MYO16: variants seen among roughly 807,000 people sequenced by gnomAD.
MYO16 encodes unconventional myosin-XVI.
MYO16 carries 94 observed loss-of-function variants against 205.3 expected under a neutral mutation model. The ratio of observed to expected loss-of-function variants is 0.46; its 90% CI spans 0.39 to 0.54. The LOEUF (loss-of-function observed/expected upper bound fraction) is 0.54, where lower values mean the gene tolerates loss of function less well. Among genes scored for constraint, MYO16 ranks in the 20% least tolerant of loss-of-function variants. MYO16 has a pLI of 0.00. For synonymous variants in MYO16, 988 were observed against 954.0 expected, an observed-to-expected ratio of 1.04 and a Z score of -0.66; for missense variants, 2,315 against 2,387.5, an observed-to-expected ratio of 0.97 and a Z score of 0.63.
chr13:108,578,567 C>T, the MYO16 span, among the ~76,000 whole-genome samples: 1 of 152,156 alleles, frequency 6.6e-6, no homozygotes, highest in African/African-American at 2.4e-5. Flanking sequence ...TATAAAGACT[C>T]TCCTTTTGAA....
At chr13:108,951,189 A>G (rs1369164951) in intron 16 of MYO16, among the ~76,000 whole-genome samples, 2 of 152,226 alleles carry the variant, frequency 1.3e-5, no homozygotes, top group Non-Finnish European at 2.9e-5. Flanking sequence ...GGTATGCACC[A>G]CGAACACCTG....
chr13:108,993,479 C>T (rs2139441775), intron 21 of MYO16, among the ~76,000 whole-genome samples: 1 of 152,142 alleles, frequency 6.6e-6, no homozygotes, highest in South Asian at 2.1e-4. Flanking sequence ...TAAAAATTGG[C>T]CAATTTTATT....
intron 4 of MYO16, among the ~76,000 whole-genome samples, chr13:108,738,346 A>C (rs967457631): frequency 6.6e-6 from 1 of 152,096 alleles, no homozygotes; most frequent in African/African-American, 2.4e-5. Flanking sequence ...CTTTGTTCTC[A>C]TTGGTTTCAA....
At position 109,140,400 on chromosome 13, in the gene MYO16, G is replaced by A; in HGVS notation, c.4188G>A (p.Ala1396=). 1 of 1,590,544 alleles carries A rather than the reference G, an allele frequency of 6.3e-7. No individual in the cohort carries two copies. The highest frequency in any genetic ancestry group is 8.5e-7 in the Non-Finnish European group (1 of 1,173,932). ...TATCGGGGTCCCGGCCCGGGGACGC[G>A]AGGCCCGCGGGCGCCCCGGGGGCAG... ...EEISGSRPGD[A]RPAGAPGAAA... Residue 1396 remains alanine (A), a synonymous_variant, in exon 32 of 35, where the codon GCG becomes GCA. Transcript: ENST00000457511. This position sits in a 1 kb window ranked among gnomAD's most constrained non-coding sequence, Gnocchi z 8.0.
chr13:108,528,612 TCCC>T, the MYO16 span, among the ~76,000 whole-genome samples: 1 of 5,386 alleles, frequency 1.9e-4, no homozygotes, highest in Admixed American at 2.0e-3. Context: ...TCTCCTCTCC[TCCC>T]CTCCCCTCTC....
chr13:108,820,117 G>T (rs1875884557), intron 7 of MYO16, among the ~76,000 whole-genome samples: 2 of 152,092 alleles, frequency 1.3e-5, no homozygotes, highest in South Asian at 4.1e-4. Flanking sequence ...ATCCTTATTG[G>T]ATAAATAATT....
At chr13:108,960,138 A>G (rs1269912605) in intron 17 of MYO16, among the ~76,000 whole-genome samples, 1 of 151,840 alleles carries the variant, frequency 6.6e-6, no homozygotes, top group Non-Finnish European at 1.5e-5. Flanking sequence ...TTAGCTGGAC[A>G]CTATTTTTTG....
chr13:108,758,129 A>T (rs1885483535), intron 4 of MYO16, among the ~76,000 whole-genome samples: 1 of 152,198 alleles, frequency 6.6e-6, no homozygotes, highest in African/African-American at 2.4e-5. Flanking sequence ...GAAAGCCCTC[A>T]CCAGACACCA....
chr13:108,804,485 A>G (rs545421348), intron 6 of MYO16, among the ~76,000 whole-genome samples: 39 of 152,242 alleles, frequency 2.6e-4, no homozygotes, highest in African/African-American at 9.1e-4. Flanking sequence ...TATAAATTCC[A>G]TTTCATAAAT....
chr13:108,504,438 G>A, the MYO16 span, among the ~76,000 whole-genome samples: 1 of 148,938 alleles, frequency 6.7e-6, no homozygotes, highest in Non-Finnish European at 1.5e-5. Flanking sequence ...AGATCTCTAG[G>A]AGTGTTAATC....
intron 23 of MYO16, among the ~76,000 whole-genome samples, chr13:109,029,049 A>T (rs1442960408): frequency 1.3e-5 from 2 of 151,238 alleles, no homozygotes; most frequent in Non-Finnish European, 2.9e-5. Context: ...GCAATGCTGC[A>T]GTCGATTCTA....
the MYO16 span, among the ~76,000 whole-genome samples, chr13:108,532,066 C>T: frequency 6.6e-6 from 1 of 151,902 alleles, no homozygotes; most frequent in African/African-American, 2.4e-5. Flanking sequence ...ATTAGCCAGG[C>T]GTAGTGGTGC....
chr13:109,194,533 G>A (rs1242308115), intron 34 of MYO16, among the ~76,000 whole-genome samples: 1 of 152,116 alleles, frequency 6.6e-6, no homozygotes, highest in African/African-American at 2.4e-5. Context: ...TACTAGAAAT[G>A]GGCTTTAGAA....
intron 2 of MYO16, among the ~76,000 whole-genome samples, chr13:108,691,107 C>T (rs1287378552): frequency 6.6e-6 from 1 of 152,152 alleles, no homozygotes; most frequent in Non-Finnish European, 1.5e-5. Flanking sequence ...TCATGTGTCC[C>T]AGTTAGAATC....
chr13:108,825,909 A>T (rs1433434724), intron 9 of MYO16, among the ~76,000 whole-genome samples: 1 of 152,052 alleles, frequency 6.6e-6, no homozygotes, highest in Admixed American at 6.6e-5. Flanking sequence ...ATTTAAGAAA[A>T]GAACGGCAAG....
intron 19 of MYO16, among the ~76,000 whole-genome samples, chr13:108,963,407 C>T (rs1039471739): frequency 5.6e-4 from 85 of 152,244 alleles, no homozygotes; most frequent in African/African-American, 2.0e-3. Flanking sequence ...TCTCTTCTAC[C>T]TCCTCCATGC....
At chr13:109,206,452 G>C (rs1020097129) in intron 34 of MYO16, among the ~76,000 whole-genome samples, 157 bp from the exon 35 acceptor site, 3 of 152,280 alleles carry the variant, frequency 2.0e-5, no homozygotes, top group Admixed American at 2.0e-4. Flanking sequence ...CTAGCCCAGT[G>C]CTGTTTCCAG....
At chr13:109,037,280 C>A (rs1016958973) in intron 23 of MYO16, among the ~76,000 whole-genome samples, 1 of 152,182 alleles carries the variant, frequency 6.6e-6, no homozygotes, top group Non-Finnish European at 1.5e-5. Context: ...GAGCTGGAGG[C>A]GGCGGCCCTC....
At chr13:108,764,926 A>G (rs1019673957) in intron 4 of MYO16, among the ~76,000 whole-genome samples, 1 of 152,224 alleles carries the variant, frequency 6.6e-6, no homozygotes, top group East Asian at 1.9e-4. Context: ...CTTGTTTCAC[A>G]GTTTTGTTCA....
Sources: allele counts gnomAD v4.1 joint callset (sites outside exome capture counted in the v4.1 genomes callset), GRCh38; gene constraint gnomAD v4.1.1; non-coding constraint Gnocchi (gnomAD v3.1); transcripts MANE v1.5; gene names NCBI Gene and HGNC (gene_info 2026-07-23, HGNC 2026-07-21).